Variants in TUBGCP2 observed in about 807,000 individuals in gnomAD.
TUBGCP2 encodes tubulin gamma complex component 2.
TUBGCP2 carries 55 observed loss-of-function variants against 92.2 expected under a neutral mutation model. The observed-to-expected ratio is 0.60, with a 90% CI of 0.48 to 0.75. TUBGCP2 has a LOEUF of 0.75. TUBGCP2 is among the 30% of genes least tolerant of loss of function. The pLI is 0.00. For missense variants in TUBGCP2, 1,093 were observed against 1,188.9 expected (o/e 0.92, Z 1.19); for synonymous variants, 533 against 505.2 (o/e 1.06, Z -0.74).
upstream of TUBGCP2, chr10:133,312,308 C>CGTCT (rs925551037): frequency 8.3e-7 from 1 of 1,200,986 alleles, no homozygotes; most frequent in African/African-American, 1.6e-5. Flanking sequence ...TCACCTGTGC[C>CGTCT]GTCTGCCTTT....
At position 133,281,334 on chromosome 10, in the gene TUBGCP2, C is replaced by G. The variant is rs1327277853; in HGVS notation, c.2512G>C (p.Ala838Pro). Reference protein sequence around the residue: ...NFSAHLLDLLARLSIYSTSDC... With the variant: ...NFSAHLLDLLPRLSIYSTSDC... ...CTGGTGCTATAGATGCTCAGCCGGG[C>G]CAGGAGGTCCAGCAGGTGGGCTGAG... The change falls in exon 17 of 18, where the codon GCC becomes CCC. Residue 838 changes from alanine to proline, a missense_variant. This residue lies in a region of TUBGCP2 where 598 missense variants were observed against 675.5 expected (regional missense o/e 0.89). Coordinates refer to ENST00000252936, the MANE Select transcript of TUBGCP2 (RefSeq NM_006659.4). The G allele has an allele frequency of 6.2e-7, 1 of 1,613,554 alleles. No individual in the cohort carries two copies. The highest frequency in any genetic ancestry group is 8.5e-7 in the Non-Finnish European group (1 of 1,179,992).
chr10:133,302,536 C>T (rs553759028), intron 2 of TUBGCP2: 31 of 466,896 alleles, frequency 6.6e-5, no homozygotes, highest in African/African-American at 6.1e-4. Flanking sequence ...CCAGGGACGA[C>T]GCTCATCCTG....
upstream of TUBGCP2, chr10:133,310,217 G>C (rs539671414): frequency 5.2e-5 from 84 of 1,614,082 alleles, no homozygotes; most frequent in South Asian, 6.6e-4. Context: ...GCAGAGACCG[G>C]AAGGATCACA....
intron 9 of TUBGCP2, 100 bp downstream of exon 9, chr10:133,289,724 A>C (rs1200322585): frequency 7.3e-7 from 1 of 1,363,738 alleles, no homozygotes; most frequent in African/African-American, 1.5e-5. Context: ...GGGCAACCAC[A>C]GGGTGAGGCA....
chr10:133,309,454 A>G, upstream of TUBGCP2: 1 of 1,612,402 alleles, frequency 6.2e-7, no homozygotes, highest in Non-Finnish European at 8.5e-7. Context: ...GACGTGCCTG[A>G]GAAGCCCAGG....
At chr10:133,312,085 C>T (rs893058020), upstream of TUBGCP2, 78 of 1,456,544 alleles carry the variant, frequency 5.4e-5, no homozygotes, top group African/African-American at 7.1e-5. Context: ...ACTCACTTTT[C>T]CTCATTGTCT....
chr10:133,294,945 G>A (rs893462539), intron 5 of TUBGCP2, among the ~76,000 whole-genome samples: 1 of 152,220 alleles, frequency 6.6e-6, no homozygotes, highest in Non-Finnish European at 1.5e-5. Context: ...AGGAGTGGGT[G>A]TGGCTTGGCG....
Position 133,297,953 on chromosome 10 carries a change from T to A in TUBGCP2, c.615A>T (p.Ile205=). ...AGISTDTALP[I]GTLPLASQES... ...CCCGGAAATCAACGCATCACGTACCTATCGGCAAAGCGGTGTCTGTGCTGA... is the reference window on the plus strand; with the variant it reads ...CCCGGAAATCAACGCATCACGTACCAATCGGCAAAGCGGTGTCTGTGCTGA... The change falls in exon 5 of 18, where the codon ATA becomes ATT. Residue 205 remains isoleucine (I), a splice_region_variant and synonymous_variant. Transcript: ENST00000252936. 1 of 1,613,124 alleles carries A rather than the reference T, an allele frequency of 6.2e-7. No individual in the cohort carries two copies. The highest frequency in any genetic ancestry group is 1.1e-5 in the South Asian group (1 of 91,036).
At chr10:133,284,346 A>C (rs777642654) in intron 13 of TUBGCP2, among the ~76,000 whole-genome samples, 1 of 151,918 alleles carries the variant, frequency 6.6e-6, no homozygotes, top group Non-Finnish European at 1.5e-5. Flanking sequence ...CATCATCAAG[A>C]TGAGTTCTTT....
chr10:133,284,036 A>T (rs768167446), intron 13 of TUBGCP2, 34 bp from the exon 14 acceptor site: 1 of 1,607,852 alleles, frequency 6.2e-7, no homozygotes, highest in South Asian at 1.1e-5. Context: ...ACAGCCATGG[A>T]GGACGCGGCC....
intron 5 of TUBGCP2, among the ~76,000 whole-genome samples, chr10:133,294,702 A>G (rs1847449947): frequency 6.6e-6 from 1 of 151,758 alleles, no homozygotes; most frequent in Admixed American, 6.6e-5. Flanking sequence ...TGCAGCCTTG[A>G]GCACCCAGGC....
In TUBGCP2 at chr10:133,298,054, G is replaced by C. The variant is rs1450687061; in HGVS notation, c.514C>G (p.Gln172Glu). ...CATGCTGGGAAGATGGGGAGGTGCTGGCCTGAATTTTTTTTGTTCTGCTTG... is the reference window on the plus strand; with the variant it reads ...CATGCTGGGAAGATGGGGAGGTGCTCGCCTGAATTTTTTTTGTTCTGCTTG... ...RDKQNKKNSGQHLPIFPAWVY... is the reference protein window; with the variant it reads ...RDKQNKKNSGEHLPIFPAWVY... The change falls in exon 5 of 18, where the codon CAG becomes GAG. Residue 172 changes from glutamine to glutamate, a missense_variant. Around this residue, in one of 3 missense-constraint regions of TUBGCP2, gnomAD observed 490 missense variants for 488.5 expected, o/e 1.00. Transcript: ENST00000252936. The C allele has an allele frequency of 1.9e-6, 3 of 1,614,168 alleles. No individual in the cohort carries two copies. The highest frequency in any genetic ancestry group is 2.5e-6 in the Non-Finnish European group (3 of 1,180,042).
intron 1 of TUBGCP2, among the ~76,000 whole-genome samples, chr10:133,304,762 T>C (rs1847767441): frequency 6.6e-6 from 1 of 152,238 alleles, no homozygotes. Context: ...TCCAATATTA[T>C]AATAATCCTT....
Position 133,283,145 on chromosome 10 carries a change from T to A in TUBGCP2, c.2222A>T (p.Asn741Ile). ...GGAGAAGACCTTCAGCAGCTCGGGG[T>A]TGGTGAGCATGCAGTCCTTCAGGCA... ...DTCLKDCMLT[N>I]PELLKVFSKL... Residue 741 changes from asparagine to isoleucine, a missense_variant, in exon 15 of 18, where the codon AAC (asparagine) becomes ATC (isoleucine). Physicochemically the swap from Asn to Ile is moderately radical, Grantham distance 149 (BLOSUM62 -3). Around this residue, in one of 3 missense-constraint regions of TUBGCP2, gnomAD observed 598 missense variants for 675.5 expected, o/e 0.89. Coordinates refer to ENST00000252936, the MANE Select transcript of TUBGCP2 (RefSeq NM_006659.4). 1 of 1,614,100 alleles carries A rather than the reference T, an allele frequency of 6.2e-7. No individual in the cohort carries two copies. The highest frequency in any genetic ancestry group is 8.5e-7 in the Non-Finnish European group (1 of 1,180,018).
At chr10:133,304,409 C>T (rs534392779) in intron 1 of TUBGCP2, among the ~76,000 whole-genome samples, 5 of 152,326 alleles carry the variant, frequency 3.3e-5, no homozygotes, top group African/African-American at 1.2e-4. Context: ...GTTCTTAAGC[C>T]GGTATCCATG....
intron 13 of TUBGCP2, 113 bp from the exon 14 acceptor site, chr10:133,284,115 A>C: frequency 6.7e-7 from 1 of 1,496,488 alleles, no homozygotes; most frequent in Non-Finnish European, 8.9e-7. Flanking sequence ...GGACGTGGCT[A>C]TTTCCTCTGC....
chr10:133,294,246 C>A (rs528355867), intron 5 of TUBGCP2, among the ~76,000 whole-genome samples: 1 of 152,248 alleles, frequency 6.6e-6, no homozygotes, highest in South Asian at 2.1e-4. Flanking sequence ...AGCTTCCTCA[C>A]GAGGACGGCC....
At chr10:133,298,361 C>G (rs1847541198) in intron 4 of TUBGCP2, among the ~76,000 whole-genome samples, 1 of 148,090 alleles carries the variant, frequency 6.8e-6, no homozygotes. Context: ...CTGCAAGGGC[C>G]CCCCTGGGAA....
chr10:133,299,558 C>T lies in TUBGCP2; in HGVS notation c.325G>A (p.Ala109Thr). The T allele has an allele frequency of 6.2e-7, 1 of 1,613,548 alleles. No individual in the cohort carries two copies. Among genetic ancestry groups the T allele is most frequent in the East Asian group, 2.2e-5 (1 of 44,874 alleles). The change falls in exon 4 of 18, where the codon GCA (alanine) becomes ACA (threonine). Residue 109 changes from alanine (A) to threonine (T), a missense_variant. Ala to Thr is a moderately conservative substitution (Grantham distance 58, BLOSUM62 0). Around this residue, in one of 3 missense-constraint regions of TUBGCP2, gnomAD observed 490 missense variants for 488.5 expected, o/e 1.00. Coordinates refer to ENST00000252936, the MANE Select transcript of TUBGCP2 (RefSeq NM_006659.4). Reference protein sequence around the residue: ...QQNAKERAELAAAAVGSSTTS... With the variant: ...QQNAKERAELTAAAVGSSTTS... The stretch of plus-strand genomic sequence containing the variant: ...GTACTGCTGCCCACAGCAGCGGCTG[C>T]AAGCTCAGCTCTTTCTTTTGCATTC...
Sources: gnomAD v4.1 joint callset for allele counts (sites outside exome capture counted in the v4.1 genomes callset) on GRCh38, gnomAD v4.1.1 for gene constraint, gnomAD v4.1.1 regional missense constraint, MANE v1.5 for transcripts, NCBI Gene and HGNC (gene_info 2026-07-23, HGNC 2026-07-21) for gene names.